Variants in NME7 observed in about 807,000 individuals in gnomAD.
NME7 encodes NME/NM23 family member 7, also known as nucleoside diphosphate kinase 7.
A neutral mutation model predicts 49.1 loss-of-function variants in NME7; 41 were observed. The ratio of observed to expected loss-of-function variants is 0.83; its 90% CI spans 0.65 to 1.08. The LOEUF (loss-of-function observed/expected upper bound fraction) is 1.08. NME7 is among the 50% of genes least tolerant of loss of function. The pLI, the probability that NME7 is intolerant of heterozygous loss-of-function variation, is 0.00. For synonymous variants in NME7, 139 were observed against 150.6 expected (o/e 0.92, Z 0.56); for missense variants, 423 against 463.4 (o/e 0.91, Z 0.80).
intron 1 of NME7, among the ~76,000 whole-genome samples, chr1:169,346,054 C>T (rs1372291902): frequency 6.6e-6 from 1 of 152,098 alleles, no homozygotes; most frequent in African/African-American, 2.4e-5. Flanking sequence ...CACATTCTAG[C>T]CACTTTACTA....
intron 7 of NME7, among the ~76,000 whole-genome samples, chr1:169,253,149 G>C (rs1489639916): frequency 4.0e-5 from 6 of 151,890 alleles, no homozygotes; most frequent in African/African-American, 1.2e-4. Context: ...AAATTACCTT[G>C]GGCAGTATGG....
rs560921374 is a variant in NME7 at position 169,307,277 on chromosome 1, T to C, written c.389+2693A>G. 2.0e-5 allele frequency among the ~76,000 whole-genome samples: 3 copies of C among 152,310 alleles called. No individual in the cohort carries two copies. The South Asian group carries it at 6.2e-4, about 32-fold the overall frequency. On this transcript the variant is annotated intron_variant, in intron 4 of 11. Transcript: ENST00000367811. ...TAAACTAAAAATGTGCGGGCAAAGA[T>C]ACACTCTGTTAAGACACTATGGACA... is the stretch of plus-strand genomic sequence containing the variant.
At position 169,265,410 on chromosome 1, in the gene NME7, A is replaced by G. The variant is rs1489430833; in HGVS notation, c.754+21893T>C. On this transcript the variant is annotated intron_variant, in intron 7 of 11. Transcript: ENST00000367811. Reference sequence around the variant, plus strand: ...AGGTAAATAATGAAATTAAGGCAGAAATCAAGAAGTTCTTTGAAATGAATG... The same window carrying G: ...AGGTAAATAATGAAATTAAGGCAGAGATCAAGAAGTTCTTTGAAATGAATG... Among the ~76,000 whole-genome samples the G allele has an allele frequency of 3.0e-5, 4 of 133,542 alleles. 1 individual carries two copies. The highest frequency in any genetic ancestry group is 1.0e-4 in the African/African-American group (4 of 39,060). The allele number at this position is 133,542 out of a possible 152,430, so 87.6% of individuals were successfully genotyped here.
chr1:169,338,373 C>T (rs915006135), intron 1 of NME7, among the ~76,000 whole-genome samples: 7 of 152,114 alleles, frequency 4.6e-5, no homozygotes, highest in Admixed American at 1.3e-4. Flanking sequence ...CCTGTATTTC[C>T]CCAACTGTGA....
chr1:169,199,696 C>T (rs1660494800), intron 10 of NME7, among the ~76,000 whole-genome samples: 1 of 151,772 alleles, frequency 6.6e-6, no homozygotes, highest in African/African-American at 2.4e-5. Context: ...ACCACATTTC[C>T]CAGAGCTGCA....
chr1:169,304,600 A>G (rs1651102238), intron 4 of NME7, among the ~76,000 whole-genome samples: 2 of 152,340 alleles, frequency 1.3e-5, no homozygotes, highest in South Asian at 2.1e-4. Flanking sequence ...TCTAGAGCCA[A>G]TTATAGCCAT....
intron 11 of NME7, among the ~76,000 whole-genome samples, chr1:169,162,053 G>C (rs1659263732): frequency 6.6e-6 from 1 of 152,138 alleles, no homozygotes; most frequent in Admixed American, 6.6e-5. Flanking sequence ...CCCAGAGGTA[G>C]ACTCAGCACA....
At chr1:169,199,364 A>G (rs1371001416) in intron 10 of NME7, among the ~76,000 whole-genome samples, 1 of 151,454 alleles carries the variant, frequency 6.6e-6, no homozygotes, top group Non-Finnish European at 1.5e-5. Context: ...AAAGTTTTCA[A>G]AGGATACCAC....
chr1:169,285,268 T>A (rs1650227886), intron 7 of NME7: 1 of 152,136 alleles, frequency 6.6e-6, no homozygotes, highest in Non-Finnish European at 1.5e-5. Context: ...GAGCTTCATG[T>A]CTGTGCTCAA....
chr1:169,324,718 T>C (rs1333965974), intron 1 of NME7, among the ~76,000 whole-genome samples: 4 of 152,252 alleles, frequency 2.6e-5, no homozygotes, highest in Non-Finnish European at 5.9e-5. Flanking sequence ...ATCTCAAAGA[T>C]GACTTATGGA....
intron 7 of NME7, among the ~76,000 whole-genome samples, chr1:169,254,151 C>CT (rs1397455960): frequency 1.3e-5 from 2 of 149,864 alleles, no homozygotes; most frequent in Non-Finnish European, 3.0e-5. Flanking sequence ...CCAGTTCCTC[C>CT]TTGTACCTCT....
chr1:169,210,361 A>C (rs946616644), intron 10 of NME7, among the ~76,000 whole-genome samples: 3 of 152,186 alleles, frequency 2.0e-5, no homozygotes, highest in African/African-American at 7.2e-5. Context: ...CCTCCATTCC[A>C]GAAATGTATG....
intron 11 of NME7, among the ~76,000 whole-genome samples, chr1:169,153,881 T>TA (rs957563104): frequency 4.0e-5 from 6 of 150,270 alleles, no homozygotes; most frequent in South Asian, 2.1e-4. Context: ...TTTTTTTTTT[T>TA]ATTTTTTGTA....
At chr1:169,139,469 T>C (rs1466827419) in intron 11 of NME7, among the ~76,000 whole-genome samples, 1 of 152,240 alleles carries the variant, frequency 6.6e-6, no homozygotes, top group Admixed American at 6.5e-5. Context: ...TGTTGGAATT[T>C]GACTCCTAGC....
At chr1:169,222,443 A>T (rs190549991) in intron 10 of NME7, among the ~76,000 whole-genome samples, 144 of 152,340 alleles carry the variant, frequency 9.5e-4, no homozygotes, top group Middle Eastern at 3.4e-3. Context: ...CTAAAATTCC[A>T]AAGTTGAAAT....
At chr1:169,303,927 T>C (rs896650124) in intron 4 of NME7, among the ~76,000 whole-genome samples, 1 of 152,256 alleles carries the variant, frequency 6.6e-6, no homozygotes, top group Non-Finnish European at 1.5e-5. Context: ...GAGCTTAGGC[T>C]AGAATTTTAA....
intron 7 of NME7, among the ~76,000 whole-genome samples, chr1:169,251,562 T>TC (rs1491459460): frequency 4.0e-4 from 45 of 112,316 alleles, no homozygotes; most frequent in African/African-American, 8.0e-4. Context: ...TTTTTTTTTC[T>TC]TTTTTTTTTT....
chr1:169,269,350 G>C lies in NME7; in HGVS notation c.754+17953C>G, dbSNP rs532508258. The stretch of plus-strand genomic sequence containing the variant: ...ACTGTTTACTTTTTCAGATAGAACA[G>C]AACACATTCACAAAACTCCAAAATG... On this transcript the variant is annotated intron_variant, in intron 7 of 11. Coordinates refer to ENST00000367811, the MANE Select transcript of NME7 (RefSeq NM_013330.5). 1.1e-4 allele frequency among the ~76,000 whole-genome samples: 15 copies of C among 133,896 alleles called. 5 individuals carry two copies. Among genetic ancestry groups the C allele is most frequent in the Non-Finnish European group, 2.6e-4 (15 of 57,068 alleles). The allele number at this position is 133,896 out of a possible 152,430, so 87.8% of individuals were successfully genotyped here. A position where few individuals can be genotyped will look rare whatever the true frequency, so the allele number is the denominator to read the frequency against.
chr1:169,304,370 C>G (rs1380277538), intron 4 of NME7, among the ~76,000 whole-genome samples: 1 of 152,124 alleles, frequency 6.6e-6, no homozygotes, highest in African/African-American at 2.4e-5. Flanking sequence ...AAAGAATCAA[C>G]CTTTCAGGCT....
Sources: allele counts gnomAD v4.1 joint callset (sites outside exome capture counted in the v4.1 genomes callset), GRCh38; gene constraint gnomAD v4.1.1; transcripts MANE v1.5; gene names NCBI Gene and HGNC (gene_info 2026-07-23, HGNC 2026-07-21).